The following ZC3H12B variants were observed in gnomAD, a reference collection of about 807,000 sequenced individuals.
The protein encoded by ZC3H12B is probable ribonuclease ZC3H12B.
ZC3H12B carries 7 observed loss-of-function variants against 43.9 expected under a neutral mutation model. The ratio of observed to expected loss-of-function variants is 0.16; its 90% confidence interval spans 0.09 to 0.30. The LOEUF is 0.30. Ranked by LOEUF, ZC3H12B falls within the 10% of genes least tolerant of loss-of-function variation. The probability of loss-of-function intolerance (pLI) is 1.00; values close to 1 mark genes in which losing one functional copy is unlikely to be tolerated. For synonymous variants in ZC3H12B, 222 were observed against 241.7 expected (o/e 0.92, Z 0.76); for missense variants, 475 against 670.2 (o/e 0.71, Z 3.22).
At chrX:65,458,957 T>C (rs568528684) in intron 3 of ZC3H12B, among the ~76,000 whole-genome samples, 1 of 110,636 alleles carries the variant, frequency 9.0e-6, no homozygotes, top group Non-Finnish European at 1.9e-5. Context: ...ATTGATAGAC[T>C]GCTAGCAAGA....
chrX:65,244,727 CAAAAAAAAAAAAAA>C, the ZC3H12B span, among the ~76,000 whole-genome samples: 1 of 20,391 alleles, frequency 4.9e-5, no homozygotes, highest in African/African-American at 2.0e-4. Context: ...AATACCTTGC[CAAAAAAAAAAAAAA>C]AAAAAAAAAA....
chrX:65,205,698 C>A, the ZC3H12B span, among the ~76,000 whole-genome samples: 1 of 110,729 alleles, frequency 9.0e-6, no homozygotes, highest in Admixed American at 9.7e-5. Flanking sequence ...GTAATGAAGA[C>A]CATCCAAGTT....
the ZC3H12B span, among the ~76,000 whole-genome samples, chrX:65,045,978 C>T: frequency 9.0e-6 from 1 of 111,491 alleles, no homozygotes; most frequent in Non-Finnish European, 1.9e-5. Flanking sequence ...GGAATATTTT[C>T]TTGGGAGCAG....
the ZC3H12B span, among the ~76,000 whole-genome samples, chrX:65,057,198 G>A: frequency 9.0e-6 from 1 of 111,680 alleles, no homozygotes; most frequent in Non-Finnish European, 1.9e-5. Flanking sequence ...TTACAATTTG[G>A]CATGTTTTTG....
chrX:65,040,888 G>C, the ZC3H12B span, among the ~76,000 whole-genome samples: 2 of 110,848 alleles, frequency 1.8e-5, no homozygotes, highest in Non-Finnish European at 3.8e-5. Context: ...TGGCTCAAGC[G>C]ATCCTCCCAC....
chrX:65,454,174 G>T (rs1348282641), intron 3 of ZC3H12B, among the ~76,000 whole-genome samples: 1 of 112,866 alleles, frequency 8.9e-6, no homozygotes, highest in Admixed American at 9.3e-5. Context: ...CCAAGCCTGA[G>T]CTGAAGCAGG....
chrX:65,212,839 A>G, the ZC3H12B span, among the ~76,000 whole-genome samples: 4 of 104,883 alleles, frequency 3.8e-5, no homozygotes, highest in Admixed American at 2.2e-4. Context: ...TATCTCCAGC[A>G]TCTAGCACAG....
At chrX:65,118,776 T>C in the ZC3H12B span, among the ~76,000 whole-genome samples, 1 of 108,422 alleles carries the variant, frequency 9.2e-6, no homozygotes, top group Non-Finnish European at 1.9e-5. Context: ...ACATTAGGTA[T>C]ATGTCCTAAT....
chrX:65,232,516 G>T, the ZC3H12B span, among the ~76,000 whole-genome samples: 1 of 111,853 alleles, frequency 8.9e-6, no homozygotes, highest in African/African-American at 3.2e-5. Flanking sequence ...TGTGATCAAA[G>T]TTATCCTCGG....
intron 3 of ZC3H12B, among the ~76,000 whole-genome samples, chrX:65,458,084 T>TAAAAAAAAAAAAAAAAAATAAAAA (rs2067659998): frequency 2.0e-5 from 1 of 48,991 alleles, no homozygotes; most frequent in African/African-American, 1.2e-4. Context: ...AAAAAAAAAA[T>TAAAAAAAAAAAAAAAAAATAAAAA]TAAAAAAAAA....
the ZC3H12B span, among the ~76,000 whole-genome samples, chrX:65,213,576 A>C: frequency 1.8e-5 from 2 of 110,946 alleles, no homozygotes; most frequent in Admixed American, 2.0e-4. Context: ...ATGTGATCTC[A>C]GTGTTGGAGA....
At chrX:65,218,524 G>A in the ZC3H12B span, among the ~76,000 whole-genome samples, 3 of 111,356 alleles carry the variant, frequency 2.7e-5, no homozygotes, top group Middle Eastern at 4.6e-3. Flanking sequence ...CATGGGAGCT[G>A]GGTGAGGCCT....
the ZC3H12B span, among the ~76,000 whole-genome samples, chrX:65,294,068 T>G: frequency 9.9e-5 from 11 of 111,283 alleles, no homozygotes; most frequent in Admixed American, 1.0e-3. Context: ...TTCTCTAAAG[T>G]CAAGATGAAG....
the ZC3H12B span, among the ~76,000 whole-genome samples, chrX:65,279,096 T>A: frequency 1.8e-5 from 2 of 110,827 alleles, no homozygotes; most frequent in Non-Finnish European, 3.8e-5. Flanking sequence ...TTAATGAACA[T>A]TTGTGTGTGT....
At chrX:65,092,451 A>G in the ZC3H12B span, among the ~76,000 whole-genome samples, 5 of 111,563 alleles carry the variant, frequency 4.5e-5, no homozygotes, top group African/African-American at 1.6e-4. Flanking sequence ...ATCCCTAAAG[A>G]TTGGTTAAAT....
chrX:65,073,450 G>A, the ZC3H12B span, among the ~76,000 whole-genome samples: 17 of 112,398 alleles, frequency 1.5e-4, no homozygotes, highest in African/African-American at 4.5e-4. Context: ...GCAAGCAAGT[G>A]CAGCCAGGCT....
chrX:65,382,337 A>G (rs56268343), intron 2 of ZC3H12B, among the ~76,000 whole-genome samples: 1,667 of 110,172 alleles, frequency 0.015, 21 homozygotes, highest in Middle Eastern at 0.046. Flanking sequence ...TATAAACCGA[A>G]CCAAAGACAA....
chrX:65,046,455 C>A, the ZC3H12B span, among the ~76,000 whole-genome samples: 1 of 111,737 alleles, frequency 8.9e-6, no homozygotes, highest in Non-Finnish European at 1.9e-5. Context: ...TTTCTGCTAG[C>A]TTCCAACTTT....
chrX:65,071,224 T>G, the ZC3H12B span, among the ~76,000 whole-genome samples: 1 of 110,775 alleles, frequency 9.0e-6, no homozygotes, highest in African/African-American at 3.3e-5. Context: ...TTTGTTCTTT[T>G]TGATCTTTGT....
Sources: allele counts gnomAD v4.1 joint callset (sites outside exome capture counted in the v4.1 genomes callset), GRCh38; gene constraint gnomAD v4.1.1; transcripts MANE v1.5; gene names NCBI Gene and HGNC (gene_info 2026-07-23, HGNC 2026-07-21).